Variants in SLC45A1 observed in about 807,000 individuals in gnomAD.
SLC45A1 encodes solute carrier family 45 member 1.
SLC45A1 carries 28 observed loss-of-function variants against 57.6 expected under a neutral mutation model. The observed-to-expected ratio is 0.49, with a 90% CI of 0.36 to 0.67. SLC45A1 has a LOEUF of 0.67. SLC45A1 is among the 30% of genes least tolerant of loss of function. The pLI is 0.00. For missense variants in SLC45A1, 814 were observed against 1,041.5 expected, an observed-to-expected ratio of 0.78 and a Z score of 3.01; for synonymous variants, 459 against 471.5, an observed-to-expected ratio of 0.97 and a Z score of 0.34.
intron 1 of SLC45A1, among the ~76,000 whole-genome samples, chr1:8,318,769 G>C (rs1639902853): frequency 6.6e-6 from 1 of 152,218 alleles, no homozygotes; most frequent in Non-Finnish European, 1.5e-5. Context: ...CTCTTACAGG[G>C]AAGCAGAGTC....
chr1:8,341,040 AG>A (rs1442524397), intron 8 of SLC45A1, among the ~76,000 whole-genome samples: 1 of 151,792 alleles, frequency 6.6e-6, no homozygotes, highest in African/African-American at 2.4e-5. Context: ...AAAATACAAA[AG>A]ATTAGCTGGG....
chr1:8,327,836 G>A lies in SLC45A1; in HGVS notation c.715+1794G>A, dbSNP rs564335002. On this transcript the variant is annotated intron_variant, in intron 4 of 8. Transcript: ENST00000471889. The surrounding 1 kb of genome is among the most constrained non-coding windows in gnomAD (Gnocchi z 4.3). ...ACTTGAGGTCAGGCGTTCAAGACCA[G>A]CCTGGCCAACATGACAAAATCCCAT... is the stretch of plus-strand genomic sequence containing the variant. Among the ~76,000 whole-genome samples the A allele has an allele frequency of 6.6e-6, 1 of 152,128 alleles. No homozygotes were observed. The highest frequency in any genetic ancestry group is 1.5e-5 in the Non-Finnish European group (1 of 68,026).
Position 8,325,750 on chromosome 1 carries a change from A to AGTC in SLC45A1, c.491-65_491-63dup, listed in dbSNP as rs1640176679. ...TTGAGTCCTAAAGATTCTAGACATA[A>AGTC]GTCGTGAGCTGCCGGGGACAGAGCT... On this transcript the variant is annotated intron_variant, in intron 3 of 8. Coordinates refer to ENST00000471889, the MANE Select transcript of SLC45A1 (RefSeq NM_001080397.3). The surrounding 1 kb of genome is among the most constrained non-coding windows in gnomAD (Gnocchi z 6.3). 7.1e-7 allele frequency: 1 copy of AGTC among 1,409,586 alleles called. No individual in the cohort carries two copies. The highest frequency in any genetic ancestry group is 1.4e-5 in the African/African-American group (1 of 70,814). 87.3% of individuals were successfully genotyped at this position (1,409,586 alleles called of 1,614,324 possible).
At chr1:8,339,228 C>A (rs74765211) in intron 7 of SLC45A1, among the ~76,000 whole-genome samples, 33 of 152,296 alleles carry the variant, frequency 2.2e-4, no homozygotes, top group African/African-American at 7.9e-4. Flanking sequence ...CCCTGGGGGA[C>A]CTGGCCCGGG....
chr1:8,323,859 CG>C lies in SLC45A1; in HGVS notation c.-24-440del, dbSNP rs34362563. On this transcript the variant is annotated intron_variant, in intron 1 of 8. Coordinates refer to ENST00000471889, the MANE Select transcript of SLC45A1 (RefSeq NM_001080397.3). Reference sequence around the variant, plus strand: ...CAACGCGAGGAAGCACTCAGGGTGCCGGGGGGGTGGTTCCTAACCATGCCCA... The same window carrying C: ...CAACGCGAGGAAGCACTCAGGGTGCCGGGGGGTGGTTCCTAACCATGCCCA... 6.4e-3 allele frequency among the ~76,000 whole-genome samples: 976 copies of C among 152,196 alleles called. 7 individuals carry two copies. Among genetic ancestry groups the C allele is most frequent in the African/African-American group, 0.022 (908 of 41,536 alleles).
intron 6 of SLC45A1, among the ~76,000 whole-genome samples, chr1:8,336,580 G>T (rs1640618423): frequency 6.6e-6 from 1 of 152,010 alleles, no homozygotes; most frequent in South Asian, 2.1e-4. Flanking sequence ...CATAATCAAA[G>T]ACTATATTCA....
chr1:8,339,444 C>T (rs1168497387), intron 7 of SLC45A1, 49 bp from the exon 8 acceptor site: 1 of 1,593,240 alleles, frequency 6.3e-7, no homozygotes, highest in East Asian at 2.2e-5. Flanking sequence ...AGCTGAATCC[C>T]CGGAGGCTCT....
At position 8,330,537 on chromosome 1, in the gene SLC45A1, C is replaced by T. The variant is rs753602097; in HGVS notation, c.1044C>T (p.Tyr348=). The T allele has an allele frequency of 1.7e-5, 27 of 1,613,244 alleles. No homozygotes were observed. The highest frequency in any genetic ancestry group is 1.6e-4 in the Middle Eastern group (1 of 6,084). Residue 348 remains tyrosine, a synonymous_variant, in exon 5 of 9, where the codon TAC becomes TAT. Coordinates refer to ENST00000471889, the MANE Select transcript of SLC45A1 (RefSeq NM_001080397.3). This position sits in a 1 kb window ranked among gnomAD's most constrained non-coding sequence, Gnocchi z 8.4. ...ISPPSPLTPK[Y]GSFISRDSSL... ...CGCCCAGCCCCCTCACGCCCAAGTA[C>T]GGCAGCTTCATCAGCAGGGACAGCT...
Position 8,325,492 on chromosome 1 carries a change from C to T in SLC45A1, c.490+102C>T, listed in dbSNP as rs1640169555. ...AAAAAATGTTGACCAAAGCAGTTAC[C>T]CAGATAGCTCTGGGCCCGCACTGGT... On this transcript the variant is annotated intron_variant, in intron 3 of 8. Coordinates refer to ENST00000471889, the MANE Select transcript of SLC45A1 (RefSeq NM_001080397.3). This position sits in a 1 kb window ranked among gnomAD's most constrained non-coding sequence, Gnocchi z 6.3. 2.4e-6 allele frequency: 2 copies of T among 846,860 alleles called. No homozygotes were observed. The highest frequency in any genetic ancestry group is 4.8e-5 in the Admixed American group (2 of 41,876). 52.5% of individuals were successfully genotyped at this position (846,860 alleles called of 1,614,324 possible). A position where few individuals can be genotyped will look rare whatever the true frequency, so the allele number is the denominator to read the frequency against.
At chr1:8,324,190 C>A in intron 1 of SLC45A1, 116 bp from the exon 2 acceptor site, 2 of 941,464 alleles carry the variant, frequency 2.1e-6, no homozygotes, top group African/African-American at 1.6e-5. Context: ...ATGAGCAGTG[C>A]ATTCTGCTTT....
rs201524553 is a variant in SLC45A1, at chr1:8,339,554, C to T, written c.1836C>T (p.Leu612=). 2.3e-5 allele frequency: 37 copies of T among 1,614,252 alleles called. No individual in the cohort carries two copies. In the South Asian group the frequency reaches 2.6e-4, roughly 11 times the overall value. The change falls in exon 8 of 9, where the codon CTC becomes CTT. Residue 612 remains leucine, a synonymous_variant. Coordinates refer to ENST00000471889, the MANE Select transcript of SLC45A1 (RefSeq NM_001080397.3). ...SVRTLYFIAY[L]AFGLGTGLAT... ...GCACCCTCTACTTCATCGCCTATCT[C>T]GCCTTCGGCCTGGGGACCGGGCTTG...
At chr1:8,331,049 TG>T in intron 5 of SLC45A1, 113 bp downstream of exon 5, 3 of 1,362,344 alleles carry the variant, frequency 2.2e-6, no homozygotes, top group South Asian at 1.4e-5. Flanking sequence ...CCGGCTGTTA[TG>T]GGGGTGTTAT....
chr1:8,341,304 G>A (rs1203892437), intron 8 of SLC45A1, among the ~76,000 whole-genome samples: 1 of 151,938 alleles, frequency 6.6e-6, no homozygotes, highest in African/African-American at 2.4e-5. Context: ...GGAGGCTGAG[G>A]CGGGCGGATT....
chr1:8,318,870 C>T (rs1639905309), intron 1 of SLC45A1, among the ~76,000 whole-genome samples: 1 of 152,184 alleles, frequency 6.6e-6, no homozygotes, highest in Non-Finnish European at 1.5e-5. Context: ...GCCGGAGATG[C>T]AAAGTGGGAA....
chr1:8,342,408 C>A (rs896850597), intron 8 of SLC45A1, among the ~76,000 whole-genome samples: 1 of 152,116 alleles, frequency 6.6e-6, no homozygotes, highest in African/African-American at 2.4e-5. Flanking sequence ...AGGAAGAAAC[C>A]CGTCAGCCAT....
At position 8,337,967 on chromosome 1, in the gene SLC45A1, C is replaced by T. The variant is rs146619116; in HGVS notation, c.1749C>T (p.Tyr583=). Residue 583 remains tyrosine (Y), a synonymous_variant, in exon 7 of 9, where the codon TAC becomes TAT. Transcript: ENST00000471889. ...TGGGCTGCTGGGGCATGTGTATCTA[C>T]GCCTTCAGTGCTGCCTTCTACTCAG... The part of the protein sequence containing the change: ...VTMGCWGMCI[Y]AFSAAFYSAI... 150 of 1,614,124 alleles carry T rather than the reference C, an allele frequency of 9.3e-5. 2 individuals are homozygous for T. The highest frequency in any genetic ancestry group is 8.7e-4 in the South Asian group (79 of 91,080).
At chr1:8,331,545 G>A (rs1640411789) in intron 5 of SLC45A1, among the ~76,000 whole-genome samples, 1 of 152,188 alleles carries the variant, frequency 6.6e-6, no homozygotes, top group Non-Finnish European at 1.5e-5. Flanking sequence ...GGAGGCTGAA[G>A]AAGGAGGATG....
chr1:8,325,770 A>G lies in SLC45A1; in HGVS notation c.491-48A>G, dbSNP rs1266414341. ...ACATAAGTCGTGAGCTGCCGGGGAC[A>G]GAGCTGGTCTGCATTTTCTTGGGGT... On this transcript the variant is annotated intron_variant, in intron 3 of 8. Coordinates refer to ENST00000471889, the MANE Select transcript of SLC45A1 (RefSeq NM_001080397.3). The surrounding 1 kb of genome is among the most constrained non-coding windows in gnomAD (Gnocchi z 6.3). 1 of 1,536,110 alleles carries G rather than the reference A, an allele frequency of 6.5e-7. No homozygotes were observed. The highest frequency in any genetic ancestry group is 8.9e-7 in the Non-Finnish European group (1 of 1,117,812).
intron 6 of SLC45A1, among the ~76,000 whole-genome samples, chr1:8,336,302 T>A (rs1267575387): frequency 6.6e-6 from 1 of 150,890 alleles, no homozygotes; most frequent in African/African-American, 2.4e-5. Flanking sequence ...CCCAGCTACT[T>A]GGGAGGCTGA....
Sources: allele counts gnomAD v4.1 joint callset (sites outside exome capture counted in the v4.1 genomes callset), GRCh38; gene constraint gnomAD v4.1.1; non-coding constraint Gnocchi (gnomAD v3.1); transcripts MANE v1.5; gene names NCBI Gene and HGNC (gene_info 2026-07-23, HGNC 2026-07-21).